The following MYL10 variants were observed in gnomAD, a reference collection of about 807,000 sequenced individuals.
The protein encoded by MYL10 is myosin regulatory light chain 10.
A neutral mutation model predicts 21.9 loss-of-function variants in MYL10; 18 were observed. The observed-to-expected ratio is 0.82, with a 90% CI of 0.57 to 1.22. The LOEUF is 1.22. MYL10 is among the 50% of genes most tolerant of loss of function. MYL10 has a pLI of 0.00. For synonymous variants in MYL10, 88 were observed against 82.8 expected (o/e 1.06, Z -0.34); for missense variants, 225 against 230.4 (o/e 0.98, Z 0.15).
At chr7:101,623,339 G>A (rs958024195) in intron 3 of MYL10, among the ~76,000 whole-genome samples, 2 of 152,196 alleles carry the variant, frequency 1.3e-5, no homozygotes, top group Non-Finnish European at 2.9e-5. Context: ...AGACAAAGAG[G>A]CTGCCTGAGG....
Position 101,622,994 on chromosome 7 carries a change from C to A in MYL10, c.349+3G>T. 1 of 1,613,648 alleles carries A rather than the reference C, an allele frequency of 6.2e-7. No individual in the cohort carries two copies. Among genetic ancestry groups the A allele is most frequent in the South Asian group, 1.1e-5 (1 of 91,074 alleles). Reference sequence around the variant, plus strand: ...AATCTCCCCCGGCTGCTGGCTCACCCACCCAGCGCGGCAAAGGTGTCCCTC... The same window carrying A: ...AATCTCCCCCGGCTGCTGGCTCACCAACCCAGCGCGGCAAAGGTGTCCCTC... On this transcript the variant is annotated splice_donor_region_variant and intron_variant, in intron 4 of 7. Transcript: ENST00000223167.
At position 101,619,694 on chromosome 7, in the gene MYL10, C is replaced by A. The variant is rs1796653424; in HGVS notation, c.454+2402G>T. Among the ~76,000 whole-genome samples the A allele has an allele frequency of 3.9e-5, 6 of 152,050 alleles. No homozygotes were observed. In the South Asian group the frequency reaches 1.2e-3, roughly 32 times the overall value. The stretch of plus-strand genomic sequence containing the variant: ...CACGAGGTCAGGAGATCGAGACCAT[C>A]CTGGCTAACACAGTGAAACCCCATC... On this transcript the variant is annotated intron_variant, in intron 5 of 7. Transcript: ENST00000223167.
intron 5 of MYL10, among the ~76,000 whole-genome samples, chr7:101,621,566 G>A (rs1452803105): frequency 1.3e-5 from 2 of 149,364 alleles, no homozygotes; most frequent in Admixed American, 1.4e-4. Flanking sequence ...GGGCAAAGGG[G>A]TTAAAGGCAG....
chr7:101,621,667 C>T (rs1796679700), intron 5 of MYL10, among the ~76,000 whole-genome samples: 1 of 152,076 alleles, frequency 6.6e-6, no homozygotes, highest in South Asian at 2.1e-4. Flanking sequence ...CGGCTCACTG[C>T]AACCTTCACC....
chr7:101,625,057 T>C (rs1298198310), intron 1 of MYL10, among the ~76,000 whole-genome samples: 1 of 152,148 alleles, frequency 6.6e-6, no homozygotes, highest in Non-Finnish European at 1.5e-5. Context: ...CTTTGCCCCA[T>C]CTCTGATCTC....
At position 101,613,384 on chromosome 7, in the gene MYL10, C is replaced by T. The variant is rs1255513498; in HGVS notation, c.*91G>A. On this transcript the variant is annotated 3_prime_UTR_variant, in exon 8 of 8. Coordinates refer to ENST00000223167, the MANE Select transcript of MYL10 (RefSeq NM_138403.5). Reference sequence around the variant, plus strand: ...TCCCCAACCGTAGGACAAGGGAAGCCTTTTTCCTGCAGCCTCTGGCTGCAA... The same window carrying T: ...TCCCCAACCGTAGGACAAGGGAAGCTTTTTTCCTGCAGCCTCTGGCTGCAA... The T allele has an allele frequency of 9.1e-7, 1 of 1,098,654 alleles. No individual in the cohort carries two copies. The highest frequency in any genetic ancestry group is 2.4e-5 in the East Asian group (1 of 42,398). 68.1% of individuals were successfully genotyped at this position (1,098,654 alleles called of 1,614,324 possible).
rs776182712 is a variant in MYL10 at position 101,622,143 on chromosome 7, G to A, written c.407C>T (p.Pro136Leu). The change falls in exon 5 of 8, where the codon CCC becomes CTC. Residue 136 changes from proline to leucine, a missense_variant. Pro to Leu is a moderately conservative substitution (Grantham distance 98). Transcript: ENST00000223167. The part of the protein sequence containing the change: ...LEAMVKEAPG[P>L]INFTVFLTMF... ...GGTCAGGAACACCGTGAAGTTGATG[G>A]GTCCGGGGGCCTCCTTCACCATGGC... 5.6e-6 allele frequency: 9 copies of A among 1,613,572 alleles called. No individual in the cohort carries two copies. The highest frequency in any genetic ancestry group is 4.4e-5 in the South Asian group (4 of 91,054).
chr7:101,622,242 T>C, intron 4 of MYL10, 42 bp from the exon 5 acceptor site: 1 of 1,499,812 alleles, frequency 6.7e-7, no homozygotes. Flanking sequence ...ATAAGAGAGA[T>C]CAGAGCTTGG....
At chr7:101,623,816 T>C (rs962273544) in intron 3 of MYL10, 104 bp downstream of exon 3, 3 of 195,258 alleles carry the variant, frequency 1.5e-5, no homozygotes, top group Non-Finnish European at 3.1e-5. Context: ...TCACCTGAGG[T>C]CAGGAGTTCC....
Position 101,629,066 on chromosome 7 carries a change from C to T in MYL10, c.53G>A (p.Arg18Gln), listed in dbSNP as rs1043034821. Residue 18 changes from arginine to glutamine, a missense_variant, in exon 1 of 8, where the codon CGG becomes CAG. By Grantham distance (43) the Arg-to-Gln change is conservative. Transcript: ENST00000223167. ...CTGTAATCCCAGCACTTTGGGAGGCCGAGGAGGGAGGATCACTTGAGGCCA... is the reference window on the plus strand; with the variant it reads ...CTGTAATCCCAGCACTTTGGGAGGCTGAGGAGGGAGGATCACTTGAGGCCA... Reference protein sequence around the residue: ...NSWPQVILPPRPPKVLGLQAP... With the variant: ...NSWPQVILPPQPPKVLGLQAP... 6 of 432,014 alleles carry T rather than the reference C, an allele frequency of 1.4e-5. No individual in the cohort carries two copies. Among genetic ancestry groups the T allele is most frequent in the African/African-American group, 2.1e-5 (1 of 48,340 alleles). 26.8% of individuals were successfully genotyped at this position (432,014 alleles called of 1,614,324 possible).
At chr7:101,621,958 C>T (rs533681059) in intron 5 of MYL10, 138 bp downstream of exon 5, 17 of 627,816 alleles carry the variant, frequency 2.7e-5, no homozygotes, top group East Asian at 1.5e-4. Context: ...CCTGAAGGTG[C>T]GTGCACCTGG....
intron 4 of MYL10, among the ~76,000 whole-genome samples, chr7:101,622,767 C>A (rs1477043520): frequency 6.6e-6 from 1 of 152,190 alleles, no homozygotes; most frequent in Non-Finnish European, 1.5e-5. Flanking sequence ...CAGGCCCAGG[C>A]CCATGCTGCT....
intron 5 of MYL10, among the ~76,000 whole-genome samples, chr7:101,621,419 C>T (rs987859941): frequency 6.6e-6 from 1 of 152,010 alleles, no homozygotes; most frequent in East Asian, 1.9e-4. Context: ...GCACAGGGGT[C>T]GACCACAGCA....
In MYL10 at chr7:101,621,025, G is replaced by A. The variant is rs943190129; in HGVS notation, c.454+1071C>T. Among the ~76,000 whole-genome samples, 4 of 152,166 alleles carry A rather than the reference G, an allele frequency of 2.6e-5. 1 individual carries two copies. Among genetic ancestry groups the A allele is most frequent in the East Asian group, 1.9e-4 (1 of 5,164 alleles). On this transcript the variant is annotated intron_variant, in intron 5 of 7. Transcript: ENST00000223167. ...GGTGGTCTTGACCTCCTGACCTCAGGTGATCCACCCACCTCCGCCTCCCAG... is the reference window on the plus strand; with the variant it reads ...GGTGGTCTTGACCTCCTGACCTCAGATGATCCACCCACCTCCGCCTCCCAG...
rs1487300946 is a variant in MYL10, at chr7:101,624,271, G to A, written c.79-7C>T. Reference sequence around the variant, plus strand: ...TCCGAGCTCTTCTCGGTGCCTGCGAGGTAGCAGACAAGGCCTTGCAGCGGC... The same window carrying A: ...TCCGAGCTCTTCTCGGTGCCTGCGAAGTAGCAGACAAGGCCTTGCAGCGGC... On this transcript the variant is annotated splice_region_variant and splice_polypyrimidine_tract_variant and intron_variant, in intron 1 of 7. Coordinates refer to ENST00000223167, the MANE Select transcript of MYL10 (RefSeq NM_138403.5). 6.2e-7 allele frequency: 1 copy of A among 1,610,480 alleles called. No individual in the cohort carries two copies. Among genetic ancestry groups the A allele is most frequent in the Non-Finnish European group, 8.5e-7 (1 of 1,178,866 alleles).
At chr7:101,624,773 C>T (rs1796725394) in intron 1 of MYL10, among the ~76,000 whole-genome samples, 1 of 152,182 alleles carries the variant, frequency 6.6e-6, no homozygotes, top group South Asian at 2.1e-4. Flanking sequence ...GCTGCCTTCC[C>T]TCCCAGCGTT....
At position 101,622,233 on chromosome 7, in the gene MYL10, T is replaced by C. The variant is rs1431410189; in HGVS notation, c.350-33A>G. 3.9e-6 allele frequency: 6 copies of C among 1,543,990 alleles called. No homozygotes were observed. In the South Asian group the frequency reaches 6.9e-5, roughly 18 times the overall value. ...AGGTGAGAGGTGGGGGCAGGGAGGA[T>C]AAGAGAGATCAGAGCTTGGGCCTCG... On this transcript the variant is annotated intron_variant, in intron 4 of 7. Transcript: ENST00000223167.
At position 101,613,576 on chromosome 7, in the gene MYL10, G is replaced by C. The variant is rs1241462080; in HGVS notation, c.583-3C>G. ...AATGCTGCAAACATCTGCTTGACCTGAGAAGGAGCAGAGAGTCAGCCTGCA... is the reference window on the plus strand; with the variant it reads ...AATGCTGCAAACATCTGCTTGACCTCAGAAGGAGCAGAGAGTCAGCCTGCA... On this transcript the variant is annotated splice_polypyrimidine_tract_variant and splice_region_variant and intron_variant, in intron 7 of 7. Coordinates refer to ENST00000223167, the MANE Select transcript of MYL10 (RefSeq NM_138403.5). 1 of 1,614,050 alleles carries C rather than the reference G, an allele frequency of 6.2e-7. No homozygotes were observed. Among genetic ancestry groups the C allele is most frequent in the South Asian group, 1.1e-5 (1 of 91,074 alleles).
intron 5 of MYL10, among the ~76,000 whole-genome samples, chr7:101,619,360 T>C (rs1328948953): frequency 6.6e-6 from 1 of 152,072 alleles, no homozygotes; most frequent in African/African-American, 2.4e-5. Context: ...AGCCCCAAGT[T>C]CAAAGCCTGC....
Sources: gnomAD v4.1 joint callset for allele counts (sites outside exome capture counted in the v4.1 genomes callset) on GRCh38, gnomAD v4.1.1 for gene constraint, MANE v1.5 for transcripts, NCBI Gene and HGNC (gene_info 2026-07-23, HGNC 2026-07-21) for gene names.